The following PHF14 variants were observed in gnomAD, a reference collection of about 807,000 sequenced individuals.
The protein encoded by PHF14 is PHD finger protein 14.
In PHF14, 55 loss-of-function variants were observed where a neutral mutation model predicts 117.9. The observed-to-expected ratio is 0.47, with a 90% CI of 0.38 to 0.58. The LOEUF (loss-of-function observed/expected upper bound fraction) is 0.58. PHF14 is among the 20% of genes least tolerant of loss of function. PHF14 has a pLI of 0.00. For missense variants in PHF14, 978 were observed against 1,122.2 expected, an observed-to-expected ratio of 0.87 and a Z score of 1.84; for synonymous variants, 409 against 368.6, an observed-to-expected ratio of 1.11 and a Z score of -1.26.
chr7:11,164,159 C>A (rs764584226), intron 17 of PHF14, among the ~76,000 whole-genome samples: 2 of 152,144 alleles, frequency 1.3e-5, no homozygotes, highest in African/African-American at 4.8e-5. Context: ...CTTCATTTTA[C>A]TGTTGTACCA....
chr7:11,142,983 T>G (rs1276770197), intron 17 of PHF14, among the ~76,000 whole-genome samples: 4 of 152,186 alleles, frequency 2.6e-5, no homozygotes, highest in Non-Finnish European at 1.5e-5. Context: ...TGTTGTACAG[T>G]GAAATGTTTG....
intron 8 of PHF14, 67 bp downstream of exon 8, chr7:11,035,853 G>A: frequency 8.3e-7 from 1 of 1,202,626 alleles, no homozygotes; most frequent in Non-Finnish European, 1.2e-6. Context: ...TACGTCTCGT[G>A]TGGCTTCCAG....
intron 17 of PHF14, among the ~76,000 whole-genome samples, chr7:11,158,173 C>G (rs1788921562): frequency 6.6e-6 from 1 of 152,116 alleles, no homozygotes; most frequent in South Asian, 2.1e-4. Context: ...GACCAAGATT[C>G]AATCCAGGAT....
intron 12 of PHF14, among the ~76,000 whole-genome samples, chr7:11,042,020 G>A (rs1187440672): frequency 6.6e-6 from 1 of 151,792 alleles, no homozygotes; most frequent in Non-Finnish European, 1.5e-5. Flanking sequence ...CATAAGAGAA[G>A]TTAGATTTCT....
At chr7:11,153,288 T>G (rs1270365457) in intron 17 of PHF14, among the ~76,000 whole-genome samples, 1 of 151,690 alleles carries the variant, frequency 6.6e-6, no homozygotes, top group Admixed American at 6.6e-5. Context: ...ATAACAGGAG[T>G]TGGCTATAGA....
At chr7:11,114,394 A>T (rs1441413137) in intron 17 of PHF14, among the ~76,000 whole-genome samples, 1 of 152,054 alleles carries the variant, frequency 6.6e-6, no homozygotes. Flanking sequence ...AGTTTTTGAT[A>T]TGGGGTTGTA....
chr7:11,071,179 C>G (rs775107053), intron 16 of PHF14: 2 of 458,840 alleles, frequency 4.4e-6, no homozygotes, highest in Non-Finnish European at 8.6e-6. Flanking sequence ...TCTCACTTTT[C>G]TTATTTTAGG....
intron 17 of PHF14, among the ~76,000 whole-genome samples, chr7:11,153,491 A>G (rs1788757801): frequency 6.6e-6 from 1 of 152,126 alleles, no homozygotes; most frequent in East Asian, 1.9e-4. Flanking sequence ...GACAAGTAGC[A>G]GTTGGAATAT....
chr7:11,102,331 A>T (rs1787121156), intron 16 of PHF14, among the ~76,000 whole-genome samples: 1 of 151,824 alleles, frequency 6.6e-6, no homozygotes, highest in Non-Finnish European at 1.5e-5. Flanking sequence ...CCTACACAAG[A>T]TCATGGCATT....
In PHF14 at chr7:11,084,570, G is replaced by A. The variant is rs115472402; in HGVS notation, c.2654+22485G>A. 6.1e-3 allele frequency among the ~76,000 whole-genome samples: 920 copies of A among 151,096 alleles called. 8 individuals are homozygous for A. Among genetic ancestry groups the A allele is most frequent in the African/African-American group, 0.021 (878 of 41,170 alleles). ...AATATAGAACTAAGCCAGTTTTTAA[G>A]TAGCTACAAAATATAATTTGGATGT... On this transcript the variant is annotated intron_variant, in intron 16 of 17. Transcript: ENST00000634607.
intron 7 of PHF14, among the ~76,000 whole-genome samples, chr7:11,034,814 G>T (rs1784259219): frequency 6.6e-6 from 1 of 151,912 alleles, no homozygotes; most frequent in Non-Finnish European, 1.5e-5. Context: ...CTCCCAAAGT[G>T]CTGGGATTAC....
At chr7:11,105,238 G>A (rs946988605) in intron 16 of PHF14, 12 of 959,820 alleles carry the variant, frequency 1.3e-5, no homozygotes, top group African/African-American at 1.8e-5. Context: ...ATTGTTTATA[G>A]ATCATTGTCA....
chr7:11,085,982 T>A (rs1371564993), intron 16 of PHF14, among the ~76,000 whole-genome samples: 1 of 152,238 alleles, frequency 6.6e-6, no homozygotes, highest in African/African-American at 2.4e-5. Context: ...GTAACTTGTC[T>A]AGTTACATAA....
At chr7:11,104,937 A>G (rs563567189) in intron 16 of PHF14, 4 of 965,648 alleles carry the variant, frequency 4.1e-6, no homozygotes, top group Non-Finnish European at 4.9e-6. Context: ...TGCTTTTAAC[A>G]TCTCCTTAAA....
At chr7:10,979,447 AT>A (rs1781979873) in intron 2 of PHF14, among the ~76,000 whole-genome samples, 1 of 129,682 alleles carries the variant, frequency 7.7e-6, no homozygotes, top group Non-Finnish European at 1.8e-5. Flanking sequence ...TTTTAAAGAT[AT>A]ATTTTTTTCA....
rs1244401784 is a variant in PHF14 at position 11,001,207 on chromosome 7, T to C, written c.1045+10360T>C. ...TTTGTCAAAGATCAGTTGACTATAT[T>C]TCTTTGGGTCTTTTTCTGGGCTCAG... On this transcript the variant is annotated intron_variant, in intron 4 of 17. Transcript: ENST00000634607. Among the ~76,000 whole-genome samples the C allele has an allele frequency of 2.4e-4, 36 of 152,192 alleles. 1 individual carries two copies. The highest frequency in any genetic ancestry group is 2.3e-3 in the Admixed American group (35 of 15,274).
intron 16 of PHF14, among the ~76,000 whole-genome samples, chr7:11,076,928 A>G (rs1785878818): frequency 1.3e-5 from 2 of 150,304 alleles, no homozygotes; most frequent in Admixed American, 1.3e-4. Flanking sequence ...ATTCTAAGAT[A>G]TGTTAGTATC....
chr7:11,019,159 C>T (rs1434744895), intron 5 of PHF14, among the ~76,000 whole-genome samples: 4 of 152,130 alleles, frequency 2.6e-5, no homozygotes, highest in Non-Finnish European at 5.9e-5. Flanking sequence ...AGGATCTTTG[C>T]GTCAGTGTTC....
chr7:11,159,889 C>G (rs945241648), intron 17 of PHF14, among the ~76,000 whole-genome samples: 4 of 152,102 alleles, frequency 2.6e-5, no homozygotes, highest in African/African-American at 9.7e-5. Context: ...AAGCAATTTT[C>G]CGCTTCTATC....
Sources: allele counts gnomAD v4.1 joint callset (sites outside exome capture counted in the v4.1 genomes callset), GRCh38; gene constraint gnomAD v4.1.1; transcripts MANE v1.5; gene names NCBI Gene and HGNC (gene_info 2026-07-23, HGNC 2026-07-21).